Variants in NKAIN2 observed in about 807,000 individuals in gnomAD.
NKAIN2 encodes sodium/potassium-transporting ATPase subunit beta-1-interacting protein 2.
NKAIN2 carries 14 observed loss-of-function variants against 32.6 expected under a neutral mutation model. The observed-to-expected ratio is 0.43, with a 90% confidence interval of 0.28 to 0.67. The LOEUF is 0.67. NKAIN2 is among the 30% of genes least tolerant of loss of function. The pLI, the probability that NKAIN2 is intolerant of heterozygous loss-of-function variation, is 0.17. For missense variants in NKAIN2, 198 were observed against 258.3 expected, an observed-to-expected ratio of 0.77 and a Z score of 1.60; for synonymous variants, 80 against 87.2, an observed-to-expected ratio of 0.92 and a Z score of 0.46.
At chr6:124,766,412 A>C (rs1249382693) in intron 4 of NKAIN2, among the ~76,000 whole-genome samples, 1 of 152,084 alleles carries the variant, frequency 6.6e-6, no homozygotes, top group Non-Finnish European at 1.5e-5. Flanking sequence ...AGACATACCA[A>C]CTTCCTCTGA....
At chr6:124,350,395 G>T (rs1356680296) in intron 2 of NKAIN2, among the ~76,000 whole-genome samples, 1 of 151,846 alleles carries the variant, frequency 6.6e-6, no homozygotes, top group African/African-American at 2.4e-5. Flanking sequence ...ATAGATAAGT[G>T]CCAGCTACTA....
chr6:124,116,207 G>A (rs530039509), intron 1 of NKAIN2, among the ~76,000 whole-genome samples: 39 of 152,130 alleles, frequency 2.6e-4, no homozygotes, highest in African/African-American at 8.9e-4. Flanking sequence ...TCTACATAAA[G>A]AATATGTTAG....
At chr6:123,935,512 T>A (rs1776460311) in intron 1 of NKAIN2, among the ~76,000 whole-genome samples, 1 of 152,016 alleles carries the variant, frequency 6.6e-6, no homozygotes, top group Non-Finnish European at 1.5e-5. Flanking sequence ...GCTTCAAATG[T>A]TATTTTATAA....
chr6:124,626,058 G>A (rs944278334), intron 3 of NKAIN2, among the ~76,000 whole-genome samples: 9 of 148,958 alleles, frequency 6.0e-5, no homozygotes, highest in African/African-American at 1.2e-4. Flanking sequence ...TCGTCATTTA[G>A]CATTAGGTAT....
intron 1 of NKAIN2, among the ~76,000 whole-genome samples, chr6:124,048,713 G>A (rs2114827305): frequency 6.6e-6 from 1 of 152,096 alleles, no homozygotes; most frequent in Non-Finnish European, 1.5e-5. Flanking sequence ...TTGATTGAAA[G>A]CAATTTTCAT....
At chr6:124,788,911 T>G (rs945698092) in intron 4 of NKAIN2, among the ~76,000 whole-genome samples, 11 of 152,104 alleles carry the variant, frequency 7.2e-5, no homozygotes, top group African/African-American at 2.7e-4. Context: ...TAGCAGAGTT[T>G]ATGAATCTTG....
At chr6:123,966,997 A>G (rs979209202) in intron 1 of NKAIN2, among the ~76,000 whole-genome samples, 10 of 152,202 alleles carry the variant, frequency 6.6e-5, no homozygotes, top group Admixed American at 4.6e-4. Flanking sequence ...AAAGATTAAA[A>G]CAACCTCCTG....
At chr6:124,801,613 C>A (rs1175351872) in intron 5 of NKAIN2, among the ~76,000 whole-genome samples, 2 of 152,276 alleles carry the variant, frequency 1.3e-5, no homozygotes, top group South Asian at 4.2e-4. Flanking sequence ...AAGCAGGGAA[C>A]CAAACAGGTA....
chr6:123,959,051 C>A (rs533450178), intron 1 of NKAIN2, among the ~76,000 whole-genome samples: 1 of 151,990 alleles, frequency 6.6e-6, no homozygotes, highest in Non-Finnish European at 1.5e-5. Context: ...GAGTATTTGG[C>A]GGCTAAGGAC....
chr6:124,053,375 A>G (rs1488398152), intron 1 of NKAIN2, among the ~76,000 whole-genome samples: 4 of 152,074 alleles, frequency 2.6e-5, no homozygotes, highest in African/African-American at 9.7e-5. Context: ...AATTGAATAC[A>G]TTGTTAATCA....
In NKAIN2 at chr6:124,824,937, A is replaced by G. The variant is rs1781529197; in HGVS notation, c.*1708A>G. ...AAGAGTTATCATTGGAACATAAACT[A>G]TAAAAAAAGATTCCAGCACTCATGC... On this transcript the variant is annotated 3_prime_UTR_variant, in exon 7 of 7. Transcript: ENST00000368417. 1 of 152,628 alleles carries G rather than the reference A, an allele frequency of 6.6e-6. No homozygotes were observed. Among genetic ancestry groups the G allele is most frequent in the South Asian group, 2.1e-4 (1 of 4,830 alleles). 9.5% of individuals were successfully genotyped at this position (152,628 alleles called of 1,614,324 possible). A position where few individuals can be genotyped will look rare whatever the true frequency, so the allele number is the denominator to read the frequency against.
chr6:124,399,177 T>G (rs1160450438), intron 3 of NKAIN2, among the ~76,000 whole-genome samples: 2 of 152,202 alleles, frequency 1.3e-5, no homozygotes, highest in African/African-American at 4.8e-5. Flanking sequence ...TCCACCTACC[T>G]TGGACTCCCA....
chr6:124,668,346 A>T (rs185418185), intron 4 of NKAIN2, among the ~76,000 whole-genome samples: 1 of 152,076 alleles, frequency 6.6e-6, no homozygotes. Flanking sequence ...CCTGAAATTT[A>T]TGAGTTATTC....
At chr6:123,841,216 T>G (rs542517573) in intron 1 of NKAIN2, among the ~76,000 whole-genome samples, 192 of 152,284 alleles carry the variant, frequency 1.3e-3, no homozygotes, top group African/African-American at 4.5e-3. Context: ...ACCGTATCTT[T>G]GGGAACTTTA....
intron 1 of NKAIN2, among the ~76,000 whole-genome samples, chr6:124,276,471 A>G (rs1323333759): frequency 6.6e-6 from 1 of 151,912 alleles, no homozygotes; most frequent in Admixed American, 6.6e-5. Context: ...ATCATTGCAG[A>G]CTCAACTTCA....
intron 2 of NKAIN2, among the ~76,000 whole-genome samples, chr6:124,324,336 T>G (rs1457192114): frequency 1.3e-5 from 2 of 152,168 alleles, no homozygotes; most frequent in Non-Finnish European, 2.9e-5. Context: ...TTTCTAGATT[T>G]ATACCTAAGT....
At position 123,964,749 on chromosome 6, in the gene NKAIN2, G is replaced by A. The variant is rs1273439746; in HGVS notation, c.54+160495G>A. On this transcript the variant is annotated intron_variant, in intron 1 of 6. Coordinates refer to ENST00000368417, the MANE Select transcript of NKAIN2 (RefSeq NM_001040214.3). The surrounding 1 kb of genome is among the most constrained non-coding windows in gnomAD (Gnocchi z 4.0). ...CATCTGGAAGCTCAGCTCCACTCCT[G>A]TTCCTGGAGGAAGGCCAGCCTATGT... 6.6e-6 allele frequency among the ~76,000 whole-genome samples: 1 copy of A among 152,104 alleles called. No homozygotes were observed. Among genetic ancestry groups the A allele is most frequent in the Non-Finnish European group, 1.5e-5 (1 of 68,012 alleles).
At chr6:123,868,774 C>G (rs147558452) in intron 1 of NKAIN2, among the ~76,000 whole-genome samples, 26 of 152,260 alleles carry the variant, frequency 1.7e-4, no homozygotes, top group African/African-American at 5.8e-4. Flanking sequence ...GAAATAATTA[C>G]TTTACCACAT....
chr6:124,234,317 A>G lies in NKAIN2; in HGVS notation c.55-48688A>G, dbSNP rs145544285. ...TTCCAGGAAAATAATCTAATTCAAC[A>G]TAAACTTTATGAATAATCCATTTGG... On this transcript the variant is annotated intron_variant, in intron 1 of 6. Transcript: ENST00000368417. Among the ~76,000 whole-genome samples, 438 of 152,256 alleles carry G rather than the reference A, an allele frequency of 2.9e-3. 2 individuals carry two copies. The highest frequency in any genetic ancestry group is 9.6e-3 in the African/African-American group (398 of 41,560).
Sources: allele counts gnomAD v4.1 joint callset (sites outside exome capture counted in the v4.1 genomes callset), GRCh38; gene constraint gnomAD v4.1.1; non-coding constraint Gnocchi (gnomAD v3.1); transcripts MANE v1.5; gene names NCBI Gene and HGNC (gene_info 2026-07-23, HGNC 2026-07-21).